IGSF22: variants seen among roughly 807,000 people sequenced by gnomAD.
IGSF22 encodes immunoglobulin superfamily, member 22.
In IGSF22, 119 loss-of-function variants were observed where a neutral mutation model predicts 127.0. The observed-to-expected ratio is 0.94, with a 90% CI of 0.81 to 1.09. The LOEUF (loss-of-function observed/expected upper bound fraction) is 1.09, where lower values mean the gene tolerates loss of function less well. IGSF22 is among the 50% of genes least tolerant of loss of function. IGSF22 has a pLI of 0.00. For synonymous variants in IGSF22, 568 were observed against 664.7 expected (o/e 0.85, Z 2.24); for missense variants, 1,518 against 1,716.6 (o/e 0.88, Z 2.04).
At chr11:18,719,204 G>A (rs1369506925) in intron 7 of IGSF22, among the ~76,000 whole-genome samples, 1 of 152,166 alleles carries the variant, frequency 6.6e-6, no homozygotes, top group Non-Finnish European at 1.5e-5. Flanking sequence ...GAGTGCAGTG[G>A]CGTGATCTTG....
intron 13 of IGSF22, 47 bp downstream of exon 13, chr11:18,714,230 G>C: frequency 6.3e-7 from 1 of 1,596,630 alleles, no homozygotes; most frequent in Non-Finnish European, 8.5e-7. Context: ...GAGCTTGTAG[G>C]TGGGCCAGGC....
chr11:18,721,414 T>C, intron 4 of IGSF22, 121 bp downstream of exon 4: 1 of 1,332,168 alleles, frequency 7.5e-7, no homozygotes, highest in Non-Finnish European at 1.1e-6. Context: ...CAGCTGCTTT[T>C]CCCACTGCCC....
Position 18,721,675 on chromosome 11 carries a change from C to A in IGSF22, c.242-4G>T, listed in dbSNP as rs777942006. ...GCTCGGAACACGGCTTTGTCCCCTG[C>A]GATGAGCACAGGACGCGTTTTCGCC... On this transcript the variant is annotated splice_region_variant and splice_polypyrimidine_tract_variant and intron_variant, in intron 3 of 22. Coordinates refer to ENST00000513874, the MANE Select transcript of IGSF22 (RefSeq NM_173588.4). 3 of 1,614,176 alleles carry A rather than the reference C, an allele frequency of 1.9e-6. No individual in the cohort carries two copies. Among genetic ancestry groups the A allele is most frequent in the Non-Finnish European group, 1.7e-6 (2 of 1,180,040 alleles).
At chr11:18,710,253 G>C (rs906187852) in intron 17 of IGSF22, 74 bp downstream of exon 17, 1 of 1,575,894 alleles carries the variant, frequency 6.3e-7, no homozygotes. Flanking sequence ...ATACTTTCCC[G>C]GGGAAGAAAT....
At chr11:18,718,267 T>TGCCTCCCCACAG (rs1470803737) in intron 8 of IGSF22, among the ~76,000 whole-genome samples, 174 bp from the exon 9 acceptor site, 4 of 152,216 alleles carry the variant, frequency 2.6e-5, no homozygotes, top group African/African-American at 9.6e-5. Context: ...CCAAGATTCC[T>TGCCTCCCCACAG]GCCTCCCCAC....
chr11:18,716,794 T>C lies in IGSF22; in HGVS notation c.1180A>G (p.Ser394Gly), dbSNP rs1554904990. 1 of 1,614,234 alleles carries C rather than the reference T, an allele frequency of 6.2e-7. No homozygotes were observed. Among genetic ancestry groups the C allele is most frequent in the Non-Finnish European group, 8.5e-7 (1 of 1,180,042 alleles). ...HTLKIKDARL[S>G]DSGEFSAEAG... is the part of the protein sequence containing the mutation. ...TCAGCAGAGAACTCGCCGCTGTCAC[T>C]GAGTCTGGCATCCTTAATCTTAAGC... Residue 394 changes from serine to glycine, a missense_variant, in exon 10 of 23, where the codon AGT (serine) becomes GGT (glycine). Around this residue, in one of 3 missense-constraint regions of IGSF22, gnomAD observed 1,456 missense variants for 1,644.9 expected, o/e 0.89. Transcript: ENST00000513874. The surrounding 1 kb of genome is among the most constrained non-coding windows in gnomAD (Gnocchi z 4.5).
At position 18,722,004 on chromosome 11, in the gene IGSF22, C is replaced by T; in HGVS notation, c.147G>A (p.Glu49=). 1 of 1,614,120 alleles carries T rather than the reference C, an allele frequency of 6.2e-7. No individual in the cohort carries two copies. The highest frequency in any genetic ancestry group is 2.2e-5 in the East Asian group (1 of 44,876). The change falls in exon 3 of 23, where the codon GAG becomes GAA. Residue 49 remains glutamate (E), a synonymous_variant. Transcript: ENST00000513874. Reference sequence around the variant, plus strand: ...AGCTCCGGGTCACTAAGCTGAAGAACTCCACTATGCTCGAGGACTTCCTCC... The same window carrying T: ...AGCTCCGGGTCACTAAGCTGAAGAATTCCACTATGCTCGAGGACTTCCTCC... ...VVRRKSSSIV[E]FFSLVTRSSN...
chr11:18,721,428 T>C (rs1848569606), intron 4 of IGSF22, 107 bp downstream of exon 4: 2 of 1,471,674 alleles, frequency 1.4e-6, no homozygotes, highest in African/African-American at 1.4e-5. Context: ...ACTGCCCGGC[T>C]CTCGGGCCGC....
chr11:18,725,642 A>C (rs1385430129), intron 1 of IGSF22, among the ~76,000 whole-genome samples: 1 of 149,406 alleles, frequency 6.7e-6, no homozygotes, highest in Non-Finnish European at 1.5e-5. Flanking sequence ...GCGTTTCACT[A>C]TGTTGGCCAG....
At chr11:18,724,767 CTTGTGT>C (rs1461726032) in intron 1 of IGSF22, among the ~76,000 whole-genome samples, 1 of 152,158 alleles carries the variant, frequency 6.6e-6, no homozygotes, top group Non-Finnish European at 1.5e-5. Flanking sequence ...TACAATTCTG[CTTGTGT>C]TTGCGACATG....
intron 22 of IGSF22, among the ~76,000 whole-genome samples, chr11:18,705,151 G>A (rs546229786): frequency 6.6e-6 from 1 of 152,188 alleles, no homozygotes; most frequent in East Asian, 1.9e-4. Context: ...GATGAGAGGT[G>A]GGGGAGGGGG....
Position 18,716,876 on chromosome 11 carries a change from C to T in IGSF22, c.1098G>A (p.Glu366=). The T allele has an allele frequency of 2.5e-6, 4 of 1,614,234 alleles. No individual in the cohort carries two copies. The highest frequency in any genetic ancestry group is 3.4e-6 in the Non-Finnish European group (4 of 1,180,042). ...PNFVWKFNGK[E]LKRDDKYEIT... ...TTTCATACTTGTCATCCCTCTTCAG[C>T]TCCTTCCCATTGAACTTCCACACAA... Residue 366 remains glutamate (E), a synonymous_variant, in exon 10 of 23, where the codon GAG becomes GAA. Coordinates refer to ENST00000513874, the MANE Select transcript of IGSF22 (RefSeq NM_173588.4). The surrounding 1 kb of genome is among the most constrained non-coding windows in gnomAD (Gnocchi z 4.5).
rs757655359 is a variant in IGSF22 at position 18,707,118 on chromosome 11, C to A, written c.3376G>T (p.Gly1126Cys). 6.4e-6 allele frequency: 10 copies of A among 1,551,522 alleles called. No individual in the cohort carries two copies. The African/African-American group carries it at 1.4e-4, about 21-fold the overall frequency. The change falls in exon 21 of 23, where the codon GGT becomes TGT. Residue 1126 changes from glycine to cysteine, a missense_variant. Physicochemically the swap from Gly to Cys is radical, Grantham distance 159. This residue lies in a region of IGSF22 where 1,456 missense variants were observed against 1,644.9 expected (regional missense o/e 0.89). Coordinates refer to ENST00000513874, the MANE Select transcript of IGSF22 (RefSeq NM_173588.4). ...WNHSPDVQEDGEAHYIIMKRD... is the reference protein window; with the variant it reads ...WNHSPDVQEDCEAHYIIMKRD... ...TTCATGATGATGTAGTGAGCCTCAC[C>A]GTCCTCCTGCACATCTGGGCTGTGG...
At position 18,712,143 on chromosome 11, in the gene IGSF22, G is replaced by A. The variant is rs1387392284; in HGVS notation, c.2337C>T (p.Val779=). 11 of 1,551,690 alleles carry A rather than the reference G, an allele frequency of 7.1e-6. No individual in the cohort carries two copies. Among genetic ancestry groups the A allele is most frequent in the African/African-American group, 1.4e-5 (1 of 73,162 alleles). The change falls in exon 15 of 23, where the codon GTC becomes GTT. Residue 779 remains valine, a synonymous_variant. Coordinates refer to ENST00000513874, the MANE Select transcript of IGSF22 (RefSeq NM_173588.4). ...GTGGGTCACTCACACCTTCTGAATT[G>A]ACTGCCAGGATACGGAACTGGTAGG... The part of the protein sequence containing the change: ...GKAYQFRILA[V]NSEGVSDPLE...
Position 18,718,113 on chromosome 11 carries a change from G to A in IGSF22, c.811-20C>T. The stretch of plus-strand genomic sequence containing the variant: ...AGTACCCTGCCTCATGGAACAGGTA[G>A]GAAAGCTGATGAAGGGCTTTAGGAG... On this transcript the variant is annotated intron_variant, in intron 8 of 22. Coordinates refer to ENST00000513874, the MANE Select transcript of IGSF22 (RefSeq NM_173588.4). The A allele has an allele frequency of 6.2e-7, 1 of 1,610,718 alleles. No homozygotes were observed. Among genetic ancestry groups the A allele is most frequent in the South Asian group, 1.1e-5 (1 of 90,656 alleles).
intron 22 of IGSF22, 27 bp downstream of exon 22, chr11:18,705,790 C>A: frequency 6.6e-7 from 1 of 1,516,138 alleles, no homozygotes; most frequent in Non-Finnish European, 8.9e-7. Flanking sequence ...TCCCCCTCCT[C>A]GAGGCCGGAC....
At chr11:18,708,129 G>T in intron 19 of IGSF22, 78 bp downstream of exon 19, 1 of 1,526,574 alleles carries the variant, frequency 6.6e-7, no homozygotes, top group Non-Finnish European at 9.0e-7. Flanking sequence ...CAGAGTCAGA[G>T]TCAGAGACTG....
In IGSF22 at chr11:18,714,040, A is replaced by G. The variant is rs373774974; in HGVS notation, c.1907T>C (p.Leu636Pro). Residue 636 changes from leucine (L) to proline (P), a missense_variant, in exon 14 of 23, where the codon CTG becomes CCG. This residue lies in a region of IGSF22 where 1,456 missense variants were observed against 1,644.9 expected (regional missense o/e 0.89). Coordinates refer to ENST00000513874, the MANE Select transcript of IGSF22 (RefSeq NM_173588.4). ...ATCCTTGTACCATGTCACTTTGGGC[A>G]GTGGTTTTCCCCGGAAGGGGACCTT... ...HIKVPFRGKPLPKVTWYKDGM... is the reference protein window; with the variant it reads ...HIKVPFRGKPPPKVTWYKDGM... 307 of 1,614,148 alleles carry G rather than the reference A, an allele frequency of 1.9e-4. 1 individual carries two copies. Among genetic ancestry groups the G allele is most frequent in the Non-Finnish European group, 2.3e-4 (274 of 1,180,044 alleles).
At chr11:18,707,380 C>A in intron 20 of IGSF22, 167 bp from the exon 21 acceptor site, 2 of 613,002 alleles carry the variant, frequency 3.3e-6, no homozygotes, top group Non-Finnish European at 5.4e-6. Context: ...CATTTACTAG[C>A]CTCGTGACCT....
Sources: gnomAD v4.1 joint callset for allele counts (sites outside exome capture counted in the v4.1 genomes callset) on GRCh38, gnomAD v4.1.1 for gene constraint, gnomAD v4.1.1 regional missense constraint, Gnocchi (gnomAD v3.1) non-coding constraint, MANE v1.5 for transcripts, NCBI Gene and HGNC (gene_info 2026-07-23, HGNC 2026-07-21) for gene names.